The following TYK2 variants were observed in gnomAD, a reference collection of about 807,000 sequenced individuals.
TYK2 encodes the protein tyrosine kinase 2.
Under a neutral mutation model 130.9 loss-of-function variants are expected in TYK2, and 65 were observed. The ratio of observed to expected loss-of-function variants is 0.50; its 90% CI spans 0.41 to 0.61. TYK2 has a LOEUF of 0.61. TYK2 is among the 20% of genes least tolerant of loss of function. The probability of loss-of-function intolerance (pLI) is 0.00; values close to 1 mark genes in which losing one functional copy is unlikely to be tolerated. For synonymous variants in TYK2, 647 were observed against 658.9 expected (o/e 0.98, Z 0.28); for missense variants, 1,378 against 1,610.7 (o/e 0.86, Z 2.47).
chr19:10,365,083 G>C (rs1172083732), intron 7 of TYK2, 35 bp from the exon 8 acceptor site: 8 of 1,571,674 alleles, frequency 5.1e-6, no homozygotes, highest in South Asian at 2.4e-5. Flanking sequence ...AGGATGGAGA[G>C]GGCAATGCCC....
In TYK2 at chr19:10,353,957, G is replaced by C; in HGVS notation, c.2908+85C>G. 7.0e-7 allele frequency: 1 copy of C among 1,421,030 alleles called. No homozygotes were observed. Among genetic ancestry groups the C allele is most frequent in the Non-Finnish European group, 9.8e-7 (1 of 1,016,386 alleles). 88.0% of individuals were successfully genotyped at this position (1,421,030 alleles called of 1,614,324 possible). A position where few individuals can be genotyped will look rare whatever the true frequency, so the allele number is the denominator to read the frequency against. ...GGGGTTGAGAGTCTCTAATTGGCTA[G>C]GCCAGACTGGCCCCGCCCACAAGGC... On this transcript the variant is annotated intron_variant, in intron 20 of 24. Coordinates refer to ENST00000525621, the MANE Select transcript of TYK2 (RefSeq NM_003331.5). The surrounding 1 kb of genome is among the most constrained non-coding windows in gnomAD (Gnocchi z 6.9).
chr19:10,362,063 C>G lies in TYK2; in HGVS notation c.1773+15G>C, dbSNP rs971042506. ...GGGGCCCTGCCCTTGCCCCGGGCCC[C>G]TTCCCTGCACCCACCTGGGTGATCT... On this transcript the variant is annotated intron_variant, in intron 12 of 24. Coordinates refer to ENST00000525621, the MANE Select transcript of TYK2 (RefSeq NM_003331.5). The G allele has an allele frequency of 1.9e-6, 3 of 1,613,860 alleles. No individual in the cohort carries two copies. The highest frequency in any genetic ancestry group is 1.3e-5 in the African/African-American group (1 of 74,934).
At chr19:10,372,470 ATATATATATATATATTTTTTTTTTTT>A (rs1000149134) in intron 3 of TYK2, among the ~76,000 whole-genome samples, 20 of 56,794 alleles carry the variant, frequency 3.5e-4, no homozygotes, top group African/African-American at 2.3e-3. Context: ...ATATATATAT[ATATATATATATATATTTTTTTTTTTT>A]TTTTTTTTTT....
Position 10,378,387 on chromosome 19 carries a change from C to T in TYK2, c.20G>A (p.Gly7Glu), listed in dbSNP as rs771091357. 4.3e-6 allele frequency: 7 copies of T among 1,611,296 alleles called. 1 individual carries two copies. The highest frequency in any genetic ancestry group is 5.9e-6 in the Non-Finnish European group (7 of 1,179,888). The change falls in exon 3 of 25, where the codon GGG (glycine) becomes GAG (glutamate). Residue 7 changes from glycine to glutamate, a missense_variant. By Grantham distance (98) the Gly-to-Glu change is moderately conservative. Transcript: ENST00000525621. ...AACGGGCTTACTGCCCCTGGCCATC[C>T]CCCAGTGGCGCAGAGGCATGCTCCC... MPLRHW[G>E]MARGSKPVGD... is the part of the protein sequence containing the mutation.
intron 3 of TYK2, among the ~76,000 whole-genome samples, chr19:10,369,215 C>T (rs1223086986): frequency 1.3e-5 from 2 of 152,130 alleles, no homozygotes; most frequent in Non-Finnish European, 1.5e-5. Context: ...AATTGTCTGG[C>T]GTCTCCCTGA....
intron 18 of TYK2, among the ~76,000 whole-genome samples, chr19:10,355,348 T>C (rs566746982): frequency 6.7e-5 from 10 of 148,890 alleles, no homozygotes; most frequent in African/African-American, 2.2e-4. Flanking sequence ...CAGTTGAAAA[T>C]GGCATATTAG....
intron 3 of TYK2, among the ~76,000 whole-genome samples, chr19:10,372,377 A>T (rs1272624107): frequency 7.3e-6 from 1 of 136,180 alleles, no homozygotes. Flanking sequence ...CAGTGCAGCC[A>T]TGACCTCCCT....
chr19:10,375,217 T>C (rs1568344987), intron 3 of TYK2, among the ~76,000 whole-genome samples: 1 of 150,728 alleles, frequency 6.6e-6, no homozygotes, highest in South Asian at 2.1e-4. Flanking sequence ...GTAGGAAGTG[T>C]TATAAAAATT....
chr19:10,366,861 A>G (rs965007161), intron 5 of TYK2, among the ~76,000 whole-genome samples: 2 of 152,064 alleles, frequency 1.3e-5, no homozygotes, highest in Admixed American at 6.6e-5. Context: ...CCTGACCAAC[A>G]TGGAGAAAAC....
In TYK2 at chr19:10,364,750, C is replaced by G. The variant is rs551839011; in HGVS notation, c.1231G>C (p.Ala411Pro). 6.2e-7 allele frequency: 1 copy of G among 1,613,938 alleles called. No homozygotes were observed. The part of the protein sequence containing the change: ...KCLELSLPSR[A>P]AALSFVSLVD... ...AGCGACACGAAGGACAGCGCCGCAG[C>G]CCGGGAAGGCAAGCTCAGCTCCTGC... The change falls in exon 9 of 25, where the codon GCT becomes CCT. Residue 411 changes from alanine (A) to proline (P), a missense_variant. Transcript: ENST00000525621. This position sits in a 1 kb window ranked among gnomAD's most constrained non-coding sequence, Gnocchi z 4.9.
In TYK2 at chr19:10,361,753, T is replaced by C; in HGVS notation, c.1959+17A>G. On this transcript the variant is annotated intron_variant, in intron 13 of 24. Coordinates refer to ENST00000525621, the MANE Select transcript of TYK2 (RefSeq NM_003331.5). The surrounding 1 kb of genome is among the most constrained non-coding windows in gnomAD (Gnocchi z 4.0). ...TCCTCCACAGACACACCCCCAGGCC[T>C]GGCCCTGCCCACTCACCAGGGCGAT... 1.9e-6 allele frequency: 3 copies of C among 1,588,848 alleles called. No individual in the cohort carries two copies. Among genetic ancestry groups the C allele is most frequent in the Non-Finnish European group, 2.6e-6 (3 of 1,166,200 alleles).
At chr19:10,363,562 G>A (rs1337075768) in intron 9 of TYK2, among the ~76,000 whole-genome samples, 2 of 152,046 alleles carry the variant, frequency 1.3e-5, no homozygotes, top group East Asian at 1.9e-4. Context: ...ATCAGGAGCC[G>A]GATGGGCACA....
At position 10,357,154 on chromosome 19, in the gene TYK2, C is replaced by T. The variant is rs12720304; in HGVS notation, c.2467-436G>A. On this transcript the variant is annotated intron_variant, in intron 17 of 24. Coordinates refer to ENST00000525621, the MANE Select transcript of TYK2 (RefSeq NM_003331.5). ...CTGTAATCCCAGCACTTTGGGAGGC[C>T]GAGGTGGGCGGATCACCTGAGGTCA... The T allele has an allele frequency of 9.8e-3, 3,708 of 379,260 alleles. 129 individuals are homozygous for T. Among genetic ancestry groups the T allele is most frequent in the African/African-American group, 0.071 (3,423 of 48,480 alleles). The allele number at this position is 379,260 out of a possible 1,614,324, so 23.5% of individuals were successfully genotyped here. A position where few individuals can be genotyped will look rare whatever the true frequency, so the allele number is the denominator to read the frequency against.
Position 10,368,187 on chromosome 19 carries a change from G to A in TYK2, c.333C>T (p.Asn111=). 6.2e-7 allele frequency: 1 copy of A among 1,614,144 alleles called. No homozygotes were observed. ...GTTCCCGAGGATTCATGCCATGCCA[G>A]TTCCGGAAATAAAACCTGCAGGAAG... The part of the protein sequence containing the change: ...LYFRIRFYFR[N]WHGMNPREPA... The change falls in exon 5 of 25, where the codon AAC becomes AAT. Residue 111 remains asparagine (N), a synonymous_variant. Transcript: ENST00000525621.
At chr19:10,369,271 C>G (rs187035810) in intron 3 of TYK2, among the ~76,000 whole-genome samples, 1 of 152,214 alleles carries the variant, frequency 6.6e-6, no homozygotes, top group Admixed American at 6.6e-5. Flanking sequence ...GCTGTCTCCC[C>G]CTGGACATCA....
At position 10,350,930 on chromosome 19, in the gene TYK2, C is replaced by A. The variant is rs756965030; in HGVS notation, c.3468G>T (p.Ala1156=). 1 of 1,614,160 alleles carries A rather than the reference C, an allele frequency of 6.2e-7. No individual in the cohort carries two copies. The highest frequency in any genetic ancestry group is 8.5e-7 in the Non-Finnish European group (1 of 1,180,028). Residue 1156 remains alanine (A), a synonymous_variant, in exon 25 of 25, where the codon GCG becomes GCT. Transcript: ENST00000525621. The part of the protein sequence containing the change: ...HLMKNCWETE[A]SFRPTFENLI... ...GGTTCTCGAAGGTTGGGCGAAAGGACGCCTCTGTCTCCCAGCAGTTCTTCA... is the reference window on the plus strand; with the variant it reads ...GGTTCTCGAAGGTTGGGCGAAAGGAAGCCTCTGTCTCCCAGCAGTTCTTCA...
chr19:10,369,461 C>T (rs190373634), intron 3 of TYK2, among the ~76,000 whole-genome samples: 4 of 152,166 alleles, frequency 2.6e-5, no homozygotes, highest in South Asian at 2.1e-4. Flanking sequence ...AGGGCTCAAG[C>T]GATCCTCCCA....
chr19:10,367,792 C>T lies in TYK2; in HGVS notation c.465+263G>A, dbSNP rs993685316. Among the ~76,000 whole-genome samples the T allele has an allele frequency of 6.6e-5, 10 of 151,422 alleles. No homozygotes were observed. The East Asian group carries it at 7.8e-4, about 12-fold the overall frequency. On this transcript the variant is annotated intron_variant, in intron 5 of 24. Coordinates refer to ENST00000525621, the MANE Select transcript of TYK2 (RefSeq NM_003331.5). Reference sequence around the variant, plus strand: ...AAAATTAGCTGGGCATGGTGGCGGGCGCCTGTAGTCCCAGCTACTTGGGAG... The same window carrying T: ...AAAATTAGCTGGGCATGGTGGCGGGTGCCTGTAGTCCCAGCTACTTGGGAG...
rs1343497638 is a variant in TYK2, at chr19:10,376,090, G to A, written c.193+2124C>T. ...TACAATGGCACGATCTCAGCTCACT[G>A]CAGCCTCCACCTCCCAAGTTCAAGC... On this transcript the variant is annotated intron_variant, in intron 3 of 24. Coordinates refer to ENST00000525621, the MANE Select transcript of TYK2 (RefSeq NM_003331.5). Among the ~76,000 whole-genome samples the A allele has an allele frequency of 7.4e-5, 11 of 148,728 alleles. No individual in the cohort carries two copies. The East Asian group carries it at 2.2e-3, about 29-fold the overall frequency.
Sources: allele counts gnomAD v4.1 joint callset (sites outside exome capture counted in the v4.1 genomes callset), GRCh38; gene constraint gnomAD v4.1.1; non-coding constraint Gnocchi (gnomAD v3.1); transcripts MANE v1.5; gene names NCBI Gene and HGNC (gene_info 2026-07-23, HGNC 2026-07-21).